The following CNTN6 variants were observed in gnomAD, a reference collection of about 807,000 sequenced individuals.
The protein encoded by CNTN6 is contactin-6.
In CNTN6, 137 loss-of-function variants were observed where a neutral mutation model predicts 122.8. That is an observed-to-expected ratio of 1.12 (90% confidence interval 0.97 to 1.29). The LOEUF (loss-of-function observed/expected upper bound fraction) is 1.29. Ranked by LOEUF, CNTN6 falls within the 50% of genes most tolerant of loss-of-function variation. CNTN6 has a pLI of 0.00. For synonymous variants in CNTN6, 570 were observed against 426.0 expected (o/e 1.34, Z -4.16); for missense variants, 1,634 against 1,223.4 (o/e 1.34, Z -5.01).
chr3:1,202,246 T>G (rs1304603128), intron 2 of CNTN6, among the ~76,000 whole-genome samples: 1 of 152,224 alleles, frequency 6.6e-6, no homozygotes, highest in Non-Finnish European at 1.5e-5. Flanking sequence ...CATACTCAGC[T>G]GTAACATGTT....
At chr3:1,274,422 G>A (rs1186616039) in intron 4 of CNTN6, among the ~76,000 whole-genome samples, 1 of 152,206 alleles carries the variant, frequency 6.6e-6, no homozygotes, top group Non-Finnish European at 1.5e-5. Flanking sequence ...CTGATTGAGA[G>A]CAGGTGGAGA....
chr3:1,103,555 G>T (rs539065526), intron 1 of CNTN6, among the ~76,000 whole-genome samples: 17 of 152,284 alleles, frequency 1.1e-4, no homozygotes, highest in African/African-American at 3.4e-4. Flanking sequence ...CAGATGTACG[G>T]AGTGATTTTG....
chr3:1,128,702 C>T (rs897215129), intron 1 of CNTN6, among the ~76,000 whole-genome samples: 2 of 151,866 alleles, frequency 1.3e-5, no homozygotes, highest in African/African-American at 4.8e-5. Flanking sequence ...TTTTGAGTGC[C>T]AACATCCTCC....
chr3:1,175,319 T>C (rs569794239), intron 2 of CNTN6, among the ~76,000 whole-genome samples: 96 of 151,190 alleles, frequency 6.3e-4, no homozygotes, highest in African/African-American at 2.2e-3. Flanking sequence ...CCATAAAAAA[T>C]TGACTTTCTA....
At chr3:1,277,037 TTCA>T (rs1692498807) in intron 4 of CNTN6, among the ~76,000 whole-genome samples, 1 of 152,220 alleles carries the variant, frequency 6.6e-6, no homozygotes, top group Admixed American at 6.5e-5. Flanking sequence ...GAAAGTTTCA[TTCA>T]TCATTTTTGC....
intron 2 of CNTN6, among the ~76,000 whole-genome samples, chr3:1,193,220 A>G (rs962217996): frequency 6.6e-6 from 1 of 152,160 alleles, no homozygotes; most frequent in African/African-American, 2.4e-5. Context: ...ACGTATTTAA[A>G]TTTAGAGTGC....
intron 11 of CNTN6, among the ~76,000 whole-genome samples, chr3:1,350,944 G>T (rs1279931282): frequency 2.0e-5 from 3 of 151,746 alleles, no homozygotes; most frequent in African/African-American, 7.3e-5. Context: ...GTCAATAATG[G>T]CATAATTCAA....
At chr3:1,174,515 C>T (rs1312946771) in intron 2 of CNTN6, among the ~76,000 whole-genome samples, 1 of 152,150 alleles carries the variant, frequency 6.6e-6, no homozygotes, top group African/African-American at 2.4e-5. Context: ...AAATATGACC[C>T]TGTAGACTGA....
chr3:1,383,680 TA>T (rs1168430154), intron 19 of CNTN6, among the ~76,000 whole-genome samples: 2 of 152,124 alleles, frequency 1.3e-5, no homozygotes, highest in Non-Finnish European at 2.9e-5. Flanking sequence ...AAAACAGCTT[TA>T]TTGAGGCAGC....
chr3:1,133,823 C>T (rs942703181), intron 1 of CNTN6, among the ~76,000 whole-genome samples: 2 of 152,112 alleles, frequency 1.3e-5, no homozygotes, highest in Non-Finnish European at 2.9e-5. Flanking sequence ...CATGTGTTCT[C>T]ATATTCTTCT....
At chr3:1,290,845 C>T (rs543877558) in intron 5 of CNTN6, among the ~76,000 whole-genome samples, 3 of 152,284 alleles carry the variant, frequency 2.0e-5, no homozygotes, top group Admixed American at 2.0e-4. Flanking sequence ...AGGTCACTCT[C>T]ATTGTTATCT....
In CNTN6 at chr3:1,200,601, G is replaced by T. The variant is rs570965705; in HGVS notation, c.56-20086G>T. On this transcript the variant is annotated intron_variant, in intron 2 of 22. Transcript: ENST00000446702. ...ACACTAGCTCATAGCTCATAACTGGGCTCTCTTTTTTAAGCTCCATAAATG... is the reference window on the plus strand; with the variant it reads ...ACACTAGCTCATAGCTCATAACTGGTCTCTCTTTTTTAAGCTCCATAAATG... Among the ~76,000 whole-genome samples, 13 of 152,198 alleles carry T rather than the reference G, an allele frequency of 8.5e-5. 1 individual carries two copies. The highest frequency in any genetic ancestry group is 7.8e-4 in the Admixed American group (12 of 15,292).
chr3:1,102,245 G>A (rs2090939336), intron 1 of CNTN6, among the ~76,000 whole-genome samples: 1 of 152,106 alleles, frequency 6.6e-6, no homozygotes, highest in African/African-American at 2.4e-5. Context: ...GCTCTATATG[G>A]AGACCGCTGA....
intron 7 of CNTN6, among the ~76,000 whole-genome samples, chr3:1,319,513 G>A (rs1700553862): frequency 6.6e-6 from 1 of 151,354 alleles, no homozygotes; most frequent in African/African-American, 2.4e-5. Context: ...CAGTTACTTA[G>A]GTATTTAGTT....
intron 1 of CNTN6, among the ~76,000 whole-genome samples, chr3:1,138,405 T>C (rs2092534007): frequency 6.6e-6 from 1 of 152,102 alleles, no homozygotes; most frequent in Non-Finnish European, 1.5e-5. Flanking sequence ...CTCACTCTAC[T>C]CCTACCCAAT....
At chr3:1,239,740 A>G (rs2094460187) in intron 4 of CNTN6, among the ~76,000 whole-genome samples, 1 of 152,160 alleles carries the variant, frequency 6.6e-6, no homozygotes, top group African/African-American at 2.4e-5. Context: ...AAAAGAACAC[A>G]CTGGGAGGCA....
chr3:1,217,044 A>T (rs558235956), intron 2 of CNTN6, among the ~76,000 whole-genome samples: 16 of 152,330 alleles, frequency 1.1e-4, no homozygotes, highest in Admixed American at 9.8e-4. Context: ...ACAATGTGAC[A>T]TATTTTATAA....
intron 2 of CNTN6, among the ~76,000 whole-genome samples, chr3:1,214,779 T>G (rs1004466595): frequency 3.9e-5 from 6 of 152,160 alleles, no homozygotes; most frequent in Non-Finnish European, 7.3e-5. Context: ...GTGTGTGTGA[T>G]GGGGTCTTGC....
chr3:1,152,074 T>G (rs72999808), intron 2 of CNTN6, among the ~76,000 whole-genome samples: 73 of 152,334 alleles, frequency 4.8e-4, no homozygotes, highest in Non-Finnish European at 7.8e-4. Context: ...TTTTTGTCTT[T>G]GTAGACAATG....
Sources: allele counts gnomAD v4.1 joint callset (sites outside exome capture counted in the v4.1 genomes callset), GRCh38; gene constraint gnomAD v4.1.1; transcripts MANE v1.5; gene names NCBI Gene and HGNC (gene_info 2026-07-23, HGNC 2026-07-21).